The following PCDH9 variants were observed in gnomAD, a reference collection of about 807,000 sequenced individuals.
PCDH9 encodes the protein protocadherin 9.
PCDH9 carries 24 observed loss-of-function variants against 70.6 expected under a neutral mutation model. That is an observed-to-expected ratio of 0.34 (90% CI 0.25 to 0.48). PCDH9 has a LOEUF of 0.48. Ranked by LOEUF, PCDH9 falls within the 20% of genes least tolerant of loss-of-function variation. The pLI, the probability that PCDH9 is intolerant of heterozygous loss-of-function variation, is 0.99. For missense variants in PCDH9, 1,281 were observed against 1,503.6 expected (o/e 0.85, Z 2.45); for synonymous variants, 562 against 558.5 (o/e 1.01, Z -0.09).
chr13:66,939,461 G>A (rs1051865652), intron 2 of PCDH9, among the ~76,000 whole-genome samples: 5 of 102,102 alleles, frequency 4.9e-5, no homozygotes, highest in Non-Finnish European at 1.2e-4. Context: ...TGTGTGTGAC[G>A]GAGTCTTGCT....
chr13:66,593,940 T>G (rs2077069397), intron 4 of PCDH9, among the ~76,000 whole-genome samples: 1 of 151,624 alleles, frequency 6.6e-6, no homozygotes, highest in Non-Finnish European at 1.5e-5. Flanking sequence ...ATATAAAGTT[T>G]TTTTATAGTC....
chr13:66,877,974 C>T lies in PCDH9; in HGVS notation c.3138+25530G>A, dbSNP rs547887640. On this transcript the variant is annotated intron_variant, in intron 3 of 4. Coordinates refer to ENST00000377865, the MANE Select transcript of PCDH9 (RefSeq NM_203487.3). ...AGAACAAAAATTAGAGAAGACAAAA[C>T]TTTTCATCTAATACTCTCTTTTCCT... Among the ~76,000 whole-genome samples the T allele has an allele frequency of 5.9e-5, 9 of 152,260 alleles. 1 individual carries two copies. In the South Asian group the frequency reaches 1.9e-3, roughly 32 times the overall value.
At chr13:66,660,219 C>T (rs914674533) in intron 3 of PCDH9, among the ~76,000 whole-genome samples, 2 of 152,152 alleles carry the variant, frequency 1.3e-5, no homozygotes, top group African/African-American at 2.4e-5. Context: ...TTTCTAAATG[C>T]CCCAGCAACA....
chr13:66,950,165 C>T (rs2083155581), intron 2 of PCDH9, among the ~76,000 whole-genome samples: 1 of 152,010 alleles, frequency 6.6e-6, no homozygotes, highest in Non-Finnish European at 1.5e-5. Flanking sequence ...ATCAGATTAG[C>T]TACAGTTTAA....
chr13:66,491,828 A>C (rs753997528), intron 4 of PCDH9, among the ~76,000 whole-genome samples: 1 of 152,100 alleles, frequency 6.6e-6, no homozygotes, highest in Non-Finnish European at 1.5e-5. Flanking sequence ...TCCTTTAGAC[A>C]TATGTTCTAT....
At chr13:66,848,899 G>C (rs2081260629) in intron 3 of PCDH9, among the ~76,000 whole-genome samples, 1 of 134,838 alleles carries the variant, frequency 7.4e-6, no homozygotes, top group Non-Finnish European at 1.5e-5. Context: ...CCGCACTCCA[G>C]CCTGGGTGAC....
intron 2 of PCDH9, among the ~76,000 whole-genome samples, chr13:66,990,163 T>C (rs2139795392): frequency 6.6e-6 from 1 of 152,006 alleles, no homozygotes; most frequent in South Asian, 2.1e-4. Flanking sequence ...ACCCCATTAA[T>C]CTAAAGGCTA....
chr13:66,559,672 T>TCCAGCTGTATG (rs1961907913), intron 4 of PCDH9, among the ~76,000 whole-genome samples: 5 of 150,618 alleles, frequency 3.3e-5, no homozygotes, highest in African/African-American at 1.2e-4. Context: ...TGGTGGCGGG[T>TCCAGCTGTATG]GCCTGTAGTC....
intron 3 of PCDH9, among the ~76,000 whole-genome samples, chr13:66,901,930 A>C (rs2082282463): frequency 6.6e-6 from 1 of 151,756 alleles, no homozygotes; most frequent in Admixed American, 6.6e-5. Context: ...TATAATTCTT[A>C]GAAATCTGAA....
At chr13:66,480,586 C>T (rs1958818592) in intron 4 of PCDH9, among the ~76,000 whole-genome samples, 1 of 152,096 alleles carries the variant, frequency 6.6e-6, no homozygotes, top group Admixed American at 6.5e-5. Context: ...TAAGAAATTG[C>T]TTGCAAATCA....
intron 2 of PCDH9, among the ~76,000 whole-genome samples, chr13:67,101,412 G>C (rs1173520712): frequency 1.3e-5 from 2 of 152,186 alleles, no homozygotes; most frequent in African/African-American, 4.8e-5. Context: ...GTAATAGGGT[G>C]ATTAATAGGA....
chr13:66,859,260 C>T (rs2081443263), intron 3 of PCDH9: 1 of 152,144 alleles, frequency 6.6e-6, no homozygotes, highest in Non-Finnish European at 1.5e-5. Context: ...CGAGACTCTA[C>T]TCCACCACTG....
intron 2 of PCDH9, among the ~76,000 whole-genome samples, chr13:67,084,829 T>C (rs1163350062): frequency 1.2e-4 from 18 of 150,294 alleles, no homozygotes; most frequent in Admixed American, 1.2e-3. Context: ...TAGCTGGGCG[T>C]GGTGGCGGGC....
At chr13:66,423,444 A>G (rs938531261) in intron 4 of PCDH9, among the ~76,000 whole-genome samples, 1 of 152,160 alleles carries the variant, frequency 6.6e-6, no homozygotes. Flanking sequence ...ATACTGGCAA[A>G]CCGAATCCAG....
intron 4 of PCDH9, among the ~76,000 whole-genome samples, chr13:66,513,708 C>A (rs1408010118): frequency 3.3e-5 from 5 of 151,160 alleles, no homozygotes; most frequent in Admixed American, 1.3e-4. Flanking sequence ...AAATGTGTAA[C>A]CTTTCTTAAG....
intron 2 of PCDH9, among the ~76,000 whole-genome samples, chr13:67,091,267 C>T (rs914097303): frequency 6.6e-6 from 1 of 151,962 alleles, no homozygotes; most frequent in Non-Finnish European, 1.5e-5. Flanking sequence ...TATAAATGTA[C>T]ATAAAAGAGA....
At chr13:66,896,033 A>T (rs535462233) in intron 3 of PCDH9, among the ~76,000 whole-genome samples, 1 of 152,206 alleles carries the variant, frequency 6.6e-6, no homozygotes, top group Non-Finnish European at 1.5e-5. Flanking sequence ...GGTGCTGTCC[A>T]TCAAGCCTGC....
At chr13:66,946,328 T>C (rs2083086777) in intron 2 of PCDH9, among the ~76,000 whole-genome samples, 2 of 152,054 alleles carry the variant, frequency 1.3e-5, no homozygotes, top group African/African-American at 4.8e-5. Flanking sequence ...AAAACTATCA[T>C]ACCTTCACAT....
At position 66,666,352 on chromosome 13, in the gene PCDH9, C is replaced by T. The variant is rs182027075; in HGVS notation, c.3139-34941G>A. Among the ~76,000 whole-genome samples the T allele has an allele frequency of 2.8e-4, 42 of 152,168 alleles. 1 individual carries two copies. Among genetic ancestry groups the T allele is most frequent in the Admixed American group, 2.5e-3 (38 of 15,286 alleles). On this transcript the variant is annotated intron_variant, in intron 3 of 4. Transcript: ENST00000377865. ...GATGGCATTCTGCTGGATGTCTGGTCGTGGTTCCAGCTGGCTCAAGGTCCC... is the reference window on the plus strand; with the variant it reads ...GATGGCATTCTGCTGGATGTCTGGTTGTGGTTCCAGCTGGCTCAAGGTCCC...
Sources: gnomAD v4.1 joint callset for allele counts (sites outside exome capture counted in the v4.1 genomes callset) on GRCh38, gnomAD v4.1.1 for gene constraint, MANE v1.5 for transcripts, NCBI Gene and HGNC (gene_info 2026-07-23, HGNC 2026-07-21) for gene names.